SLC5A4: variants seen among roughly 807,000 people sequenced by gnomAD.
The protein encoded by SLC5A4 is solute carrier family 5 member 4.
A neutral mutation model predicts 70.3 loss-of-function variants in SLC5A4; 55 were observed. That is an observed-to-expected ratio of 0.78 (90% CI 0.63 to 0.98). The LOEUF (loss-of-function observed/expected upper bound fraction) is 0.98, where lower values mean the gene tolerates loss of function less well. Ranked by LOEUF, SLC5A4 falls within the 50% of genes least tolerant of loss-of-function variation. The pLI is 0.00. For synonymous variants in SLC5A4, 268 were observed against 305.7 expected (o/e 0.88, Z 1.29); for missense variants, 735 against 839.2 (o/e 0.88, Z 1.53).
the SLC5A4 span, chr22:32,273,142 C>T: frequency 2.3e-6 from 1 of 429,480 alleles, no homozygotes; most frequent in Non-Finnish European, 4.6e-6. Flanking sequence ...CACCACACCG[C>T]ACTACCTCCC....
chr22:32,330,452 G>GA, the SLC5A4 span, among the ~76,000 whole-genome samples: 4 of 100,492 alleles, frequency 4.0e-5, no homozygotes, highest in Non-Finnish European at 8.7e-5. Context: ...TGGAGGCTCT[G>GA]GGGTGTGTGT....
chr22:32,305,462 C>G, the SLC5A4 span, among the ~76,000 whole-genome samples: 2 of 149,012 alleles, frequency 1.3e-5, no homozygotes, highest in South Asian at 4.3e-4. Context: ...GACGAGACCT[C>G]TCTGGAGAAA....
intron 8 of SLC5A4, among the ~76,000 whole-genome samples, chr22:32,233,955 A>G (rs1925913336): frequency 6.6e-6 from 1 of 151,880 alleles, no homozygotes; most frequent in Non-Finnish European, 1.5e-5. Context: ...GGTGGCACTG[A>G]ATGCTGATCT....
At chr22:32,350,457 A>C in the SLC5A4 span, among the ~76,000 whole-genome samples, 1 of 152,158 alleles carries the variant, frequency 6.6e-6, no homozygotes, top group Non-Finnish European at 1.5e-5. Context: ...CAGCTATATA[A>C]TTTAACAATT....
the SLC5A4 span, among the ~76,000 whole-genome samples, chr22:32,354,153 G>A: frequency 6.7e-6 from 1 of 148,434 alleles, no homozygotes; most frequent in Admixed American, 6.7e-5. Flanking sequence ...CCCAAAACGG[G>A]CAGTGGATAC....
At chr22:32,227,091 T>C (rs891302758) in intron 11 of SLC5A4, among the ~76,000 whole-genome samples, 2 of 152,182 alleles carry the variant, frequency 1.3e-5, no homozygotes, top group African/African-American at 4.8e-5. Context: ...TGAGGTAGCA[T>C]ACCTTTATTA....
At chr22:32,254,533 G>A (rs936493407) in intron 1 of SLC5A4, among the ~76,000 whole-genome samples, 2 of 152,124 alleles carry the variant, frequency 1.3e-5, no homozygotes, top group Non-Finnish European at 2.9e-5. Context: ...GGCCGGGCAC[G>A]GTGGCTCACG....
chr22:32,236,388 C>T (rs758151375), intron 7 of SLC5A4, among the ~76,000 whole-genome samples: 29 of 151,734 alleles, frequency 1.9e-4, no homozygotes, highest in Admixed American at 3.3e-4. Context: ...TGTATTATCA[C>T]AATGTATTGT....
At chr22:32,257,509 C>T (rs1301860116), upstream of SLC5A4, among the ~76,000 whole-genome samples, 1 of 152,014 alleles carries the variant, frequency 6.6e-6, no homozygotes, top group African/African-American at 2.4e-5. Context: ...CACATGCCAC[C>T]CATGCCTGGC....
chr22:32,225,058 A>G (rs1006102168), intron 12 of SLC5A4, among the ~76,000 whole-genome samples: 1 of 152,232 alleles, frequency 6.6e-6, no homozygotes, highest in Non-Finnish European at 1.5e-5. Flanking sequence ...ATTAAGTAAC[A>G]TGTGGAAAGC....
the SLC5A4 span, among the ~76,000 whole-genome samples, chr22:32,329,984 T>TG: frequency 1.3e-4 from 2 of 15,800 alleles, no homozygotes; most frequent in Non-Finnish European, 1.1e-4. Flanking sequence ...GTGTGTGTGT[T>TG]GGGGGCTCTG....
the SLC5A4 span, among the ~76,000 whole-genome samples, chr22:32,277,897 A>G: frequency 6.6e-6 from 1 of 152,324 alleles, no homozygotes; most frequent in South Asian, 2.1e-4. Flanking sequence ...TAAATCTCAA[A>G]GAAAGTCTAT....
chr22:32,239,533 TATATATATATATATATATATA>T (rs1926280756), intron 5 of SLC5A4, among the ~76,000 whole-genome samples: 5 of 10,040 alleles, frequency 5.0e-4, no homozygotes, highest in South Asian at 2.9e-3. Context: ...TATATATATA[TATATATATATATATATATATA>T]TATATATATA....
chr22:32,255,169 C>G, intron 1 of SLC5A4, 26 bp downstream of exon 1: 1 of 1,613,118 alleles, frequency 6.2e-7, no homozygotes, highest in Non-Finnish European at 8.5e-7. Flanking sequence ...TGTGCCCACC[C>G]TAAAAGCCAC....
At chr22:32,348,485 T>A in the SLC5A4 span, among the ~76,000 whole-genome samples, 3 of 152,138 alleles carry the variant, frequency 2.0e-5, no homozygotes, top group Non-Finnish European at 4.4e-5. Flanking sequence ...AGGGGAGAGC[T>A]GGGGGTGGTG....
chr22:32,238,866 G>T, intron 6 of SLC5A4, 119 bp downstream of exon 6: 1 of 712,164 alleles, frequency 1.4e-6, no homozygotes, highest in Non-Finnish European at 2.5e-6. Context: ...TCTCATAGTG[G>T]AAATGAAATG....
In SLC5A4 at chr22:32,239,561, TA is replaced by T. The variant is rs1352630678; in HGVS notation, c.478-472del. ...ATATATATATATATATATATATATA[TA>T]TATATATTTATATATATATTTATAT... is the stretch of plus-strand genomic sequence containing the variant. On this transcript the variant is annotated intron_variant, in intron 5 of 14. Coordinates refer to ENST00000266086, the MANE Select transcript of SLC5A4 (RefSeq NM_014227.3). Among the ~76,000 whole-genome samples, 13 of 20,980 alleles carry T rather than the reference TA, an allele frequency of 6.2e-4. 1 individual carries two copies. The highest frequency in any genetic ancestry group is 2.9e-3 in the Admixed American group (6 of 2,038). 13.8% of individuals were successfully genotyped at this position (20,980 alleles called of 152,430 possible).
chr22:32,289,932 T>A, the SLC5A4 span, among the ~76,000 whole-genome samples: 1 of 152,224 alleles, frequency 6.6e-6, no homozygotes, highest in African/African-American at 2.4e-5. Flanking sequence ...TGAGGCCATT[T>A]TATGCTCTTT....
chr22:32,225,945 C>G (rs1925373646), intron 11 of SLC5A4, 122 bp from the exon 12 acceptor site: 2 of 655,620 alleles, frequency 3.1e-6, no homozygotes, highest in South Asian at 2.3e-5. Flanking sequence ...AATCAAGCTC[C>G]TTGATCATAC....
Sources: gnomAD v4.1 joint callset for allele counts (sites outside exome capture counted in the v4.1 genomes callset) on GRCh38, gnomAD v4.1.1 for gene constraint, MANE v1.5 for transcripts, NCBI Gene and HGNC (gene_info 2026-07-23, HGNC 2026-07-21) for gene names.